The following FHAD1 variants were observed in gnomAD, a reference collection of about 807,000 sequenced individuals.
FHAD1 encodes the protein forkhead associated phosphopeptide binding domain 1.
Under a neutral mutation model 191.3 loss-of-function variants are expected in FHAD1, and 146 were observed. The ratio of observed to expected loss-of-function variants is 0.76; its 90% CI spans 0.67 to 0.88. The LOEUF is 0.88. FHAD1 is among the 40% of genes least tolerant of loss of function. FHAD1 has a pLI of 0.00. For synonymous variants in FHAD1, 616 were observed against 672.3 expected (o/e 0.92, Z 1.29); for missense variants, 1,635 against 1,785.8 (o/e 0.92, Z 1.52).
chr1:15,251,285 A>C (rs1470369867), intron 1 of FHAD1, among the ~76,000 whole-genome samples: 3 of 109,896 alleles, frequency 2.7e-5, no homozygotes, highest in African/African-American at 4.8e-5. Flanking sequence ...AAAAAAAAAA[A>C]CAAAAAAAAC....
At chr1:15,241,052 T>C (rs1034611985) in intron 1 of FHAD1, among the ~76,000 whole-genome samples, 1 of 151,838 alleles carries the variant, frequency 6.6e-6, no homozygotes, top group African/African-American at 2.4e-5. Context: ...GCCAGCTCCT[T>C]GATTGCAGCC....
chr1:15,367,905 C>A (rs1696972087), intron 25 of FHAD1, among the ~76,000 whole-genome samples: 2 of 152,174 alleles, frequency 1.3e-5, no homozygotes, highest in Non-Finnish European at 2.9e-5. Context: ...TCAGCCCCTG[C>A]ACTCTGTCTA....
Position 15,360,834 on chromosome 1 carries a change from C to T in FHAD1, c.2962+131C>T, listed in dbSNP as rs1694552697. On this transcript the variant is annotated intron_variant, in intron 22 of 33. Coordinates refer to ENST00000688493, the MANE Select transcript of FHAD1 (RefSeq NM_001391957.1). ...GAAAGCTCATTCATTCTCTGAGGCC[C>T]CCTTTTGTTCTTGTTACACAACGAT... The T allele has an allele frequency of 1.1e-5, 8 of 747,466 alleles. No homozygotes were observed. In the East Asian group the frequency reaches 1.3e-4, roughly 13 times the overall value. 46.3% of individuals were successfully genotyped at this position (747,466 alleles called of 1,614,324 possible).
chr1:15,382,247 T>C, intron 31 of FHAD1, 54 bp downstream of exon 31: 1 of 1,524,266 alleles, frequency 6.6e-7, no homozygotes, highest in Non-Finnish European at 8.9e-7. Context: ...CAGCTCCCAT[T>C]AGCAATGGCC....
chr1:15,277,213 G>C (rs532850376), intron 3 of FHAD1, among the ~76,000 whole-genome samples: 5 of 152,198 alleles, frequency 3.3e-5, no homozygotes, highest in African/African-American at 1.2e-4. Context: ...GCAGTCCTTC[G>C]ACCCTCTTGC....
At chr1:15,335,977 C>T (rs1683883214) in intron 14 of FHAD1, among the ~76,000 whole-genome samples, 1 of 152,156 alleles carries the variant, frequency 6.6e-6, no homozygotes, top group Non-Finnish European at 1.5e-5. Context: ...ACAGAGCCTC[C>T]ACAAATCCCT....
intron 4 of FHAD1, among the ~76,000 whole-genome samples, chr1:15,295,846 A>G (rs1425447259): frequency 1.3e-5 from 2 of 152,244 alleles, no homozygotes; most frequent in East Asian, 3.8e-4. Context: ...GCACAGAAGC[A>G]GCCATAGATG....
chr1:15,250,981 C>T lies in FHAD1; in HGVS notation c.-14-790C>T, dbSNP rs550390141. Among the ~76,000 whole-genome samples, 15 of 152,262 alleles carry T rather than the reference C, an allele frequency of 9.9e-5. No individual in the cohort carries two copies. The South Asian group carries it at 2.7e-3, about 27-fold the overall frequency. ...GCCAGGCACCATTCTAGATACCTCA[C>T]GTATATTATTGCATTTAACCCATTT... On this transcript the variant is annotated intron_variant, in intron 1 of 33. Coordinates refer to ENST00000688493, the MANE Select transcript of FHAD1 (RefSeq NM_001391957.1).
rs1450711292 is a variant in FHAD1, at chr1:15,365,808, C to T, written c.3048-19C>T. On this transcript the variant is annotated intron_variant, in intron 23 of 33. Transcript: ENST00000688493. ...GGAGTTTGAGTTGAACTGACTTCACCTGTTTTTGTGAATTTCAGAGATGAC... is the reference window on the plus strand; with the variant it reads ...GGAGTTTGAGTTGAACTGACTTCACTTGTTTTTGTGAATTTCAGAGATGAC... 6.7e-7 allele frequency: 1 copy of T among 1,494,538 alleles called. No individual in the cohort carries two copies. The highest frequency in any genetic ancestry group is 1.2e-5 in the South Asian group (1 of 82,888). The allele number at this position is 1,494,538 out of a possible 1,614,324, so 92.6% of individuals were successfully genotyped here. A position where few individuals can be genotyped will look rare whatever the true frequency, so the allele number is the denominator to read the frequency against.
chr1:15,299,947 C>T (rs966649442), intron 5 of FHAD1, among the ~76,000 whole-genome samples: 2 of 152,180 alleles, frequency 1.3e-5, no homozygotes, highest in Non-Finnish European at 2.9e-5. Flanking sequence ...TGACCAAAAC[C>T]CTGTGGTTCC....
At chr1:15,258,029 A>G (rs1353919390) in intron 2 of FHAD1, among the ~76,000 whole-genome samples, 1 of 152,108 alleles carries the variant, frequency 6.6e-6, no homozygotes, top group Non-Finnish European at 1.5e-5. Flanking sequence ...TCTAGTACAG[A>G]CGGGGTTTCG....
At chr1:15,376,089 ATTTTTTTATTTATTTT>A (rs1699569324) in intron 28 of FHAD1, among the ~76,000 whole-genome samples, 2 of 113,104 alleles carry the variant, frequency 1.8e-5, no homozygotes, top group South Asian at 5.1e-4. Context: ...TTTTTTATTT[ATTTTTTTATTTATTTT>A]TTGAGACAGA....
At chr1:15,391,342 A>G (rs2473338) in intron 33 of FHAD1, 79 bp downstream of exon 33, 275,226 of 952,890 alleles carry the variant, frequency 0.29, 44,066 homozygotes, top group African/African-American at 0.61. Context: ...TTGAGACGGA[A>G]TCTCACTCTG....
intron 10 of FHAD1, among the ~76,000 whole-genome samples, chr1:15,323,190 G>T (rs1178061614): frequency 6.6e-6 from 1 of 152,182 alleles, no homozygotes; most frequent in Non-Finnish European, 1.5e-5. Context: ...CTATCACCAT[G>T]CACAGAGGAG....
chr1:15,374,689 G>T, intron 27 of FHAD1, 58 bp downstream of exon 27: 12 of 1,539,662 alleles, frequency 7.8e-6, no homozygotes, highest in Non-Finnish European at 1.1e-5. Context: ...TCACTTTGGG[G>T]ACTGACCAGT....
At position 15,272,379 on chromosome 1, in the gene FHAD1, C is replaced by A. The variant is rs1656451700; in HGVS notation, c.150C>A (p.Ser50Arg). Residue 50 changes from serine to arginine, a missense_variant, in exon 3 of 34, where the codon AGC becomes AGA. Coordinates refer to ENST00000688493, the MANE Select transcript of FHAD1 (RefSeq NM_001391957.1). ...ALIEYNEAEC[S>R]FVLQDFNSRN... is the part of the protein sequence containing the mutation. ...TTGAATATAACGAGGCGGAGTGCAG[C>A]TTTGTTCTCCAGGACTTCAATTCCC... The A allele has an allele frequency of 1.3e-6, 2 of 1,551,628 alleles. No individual in the cohort carries two copies. The highest frequency in any genetic ancestry group is 3.9e-5 in the Admixed American group (2 of 50,988).
chr1:15,386,022 C>A (rs1702015421), intron 31 of FHAD1, among the ~76,000 whole-genome samples: 1 of 152,218 alleles, frequency 6.6e-6, no homozygotes, highest in Admixed American at 6.5e-5. Flanking sequence ...AGCAGAGTTT[C>A]TCCGAGATAA....
intron 1 of FHAD1, among the ~76,000 whole-genome samples, chr1:15,251,180 C>T (rs1646724878): frequency 6.6e-6 from 1 of 151,412 alleles, no homozygotes; most frequent in Admixed American, 6.6e-5. Flanking sequence ...GAGGCTGAGG[C>T]AGGAGGATTG....
intron 16 of FHAD1, 90 bp downstream of exon 16, chr1:15,341,978 A>G: frequency 8.8e-7 from 1 of 1,136,108 alleles, no homozygotes. Context: ...TTAGACAGAG[A>G]AATCTCAGCT....
Sources: gnomAD v4.1 joint callset for allele counts (sites outside exome capture counted in the v4.1 genomes callset) on GRCh38, gnomAD v4.1.1 for gene constraint, MANE v1.5 for transcripts, NCBI Gene and HGNC (gene_info 2026-07-23, HGNC 2026-07-21) for gene names.